SHOX2: variants seen among roughly 807,000 people sequenced by gnomAD.
The protein encoded by SHOX2 is short stature homeobox protein 2.
Under a neutral mutation model 31.3 loss-of-function variants are expected in SHOX2, and 13 were observed. That is an observed-to-expected ratio of 0.42 (90% confidence interval 0.27 to 0.66). The LOEUF (loss-of-function observed/expected upper bound fraction) is 0.66. Ranked by LOEUF, SHOX2 falls within the 30% of genes least tolerant of loss-of-function variation. The pLI, the probability that SHOX2 is intolerant of heterozygous loss-of-function variation, is 0.27. For synonymous variants in SHOX2, 244 were observed against 196.2 expected, an observed-to-expected ratio of 1.24 and a Z score of -2.04; for missense variants, 473 against 443.0, an observed-to-expected ratio of 1.07 and a Z score of -0.61.
rs1713181336 is a variant in SHOX2, at chr3:158,097,360, C to CT, written c.*666dup. 6.6e-6 allele frequency: 1 copy of CT among 152,294 alleles called. No homozygotes were observed. The allele number at this position is 152,294 out of a possible 1,614,324, so 9.4% of individuals were successfully genotyped here. A position where few individuals can be genotyped will look rare whatever the true frequency, so the allele number is the denominator to read the frequency against. Reference sequence around the variant, plus strand: ...AACCTGTGAACTTCCCAGCTGCGCACTTTTTTCATCTTAGTTTTTTAAATA... The same window carrying CT: ...AACCTGTGAACTTCCCAGCTGCGCACTTTTTTTCATCTTAGTTTTTTAAATA... On this transcript the variant is annotated 3_prime_UTR_variant, in exon 5 of 5. Coordinates refer to ENST00000483851, the MANE Select transcript of SHOX2 (RefSeq NM_001163678.2).
rs758535155 is a variant in SHOX2, at chr3:158,105,792, A to C, written c.233T>G (p.Val78Gly). 19 of 1,465,970 alleles carry C rather than the reference A, an allele frequency of 1.3e-5. No individual in the cohort carries two copies. In the South Asian group the frequency reaches 1.6e-4, roughly 12 times the overall value. 90.8% of individuals were successfully genotyped at this position (1,465,970 alleles called of 1,614,324 possible). A position where few individuals can be genotyped will look rare whatever the true frequency, so the allele number is the denominator to read the frequency against. ...GGGGGGGGGG[V>G]GGGGAGGGAG... ...TCCTCCGCCTGCTCCTCCTCCTCCT[A>C]CACCTCCTCCGCCTCCTCCGCCGCC... The change falls in exon 1 of 5, where the codon GTA becomes GGA. Residue 78 changes from valine to glycine, a missense_variant. Physicochemically the swap from Val to Gly is moderately radical, Grantham distance 109. Transcript: ENST00000483851.
Position 158,096,889 on chromosome 3 carries a change from A to AATATAGAT in SHOX2, c.*1137_*1138insATCTATAT. The AATATAGAT allele has an allele frequency of 4.3e-5, 1 of 23,098 alleles. No homozygotes were observed. The highest frequency in any genetic ancestry group is 8.1e-5 in the Non-Finnish European group (1 of 12,288). The allele number at this position is 23,098 out of a possible 1,614,324, so 1.4% of individuals were successfully genotyped here. On this transcript the variant is annotated 3_prime_UTR_variant, in exon 5 of 5. Coordinates refer to ENST00000483851, the MANE Select transcript of SHOX2 (RefSeq NM_001163678.2). ...GTTCCCCAGGATCAAAGACAGGGCA[A>AATATAGAT]ATATATATATATATATATATATATA...
chr3:158,105,629 T>C, intron 1 of SHOX2, 50 bp downstream of exon 1: 1 of 1,472,844 alleles, frequency 6.8e-7, no homozygotes. Context: ...CCGAGAGGAG[T>C]CCGGAAGGCG....
chr3:158,103,925 CCTT>C (rs1173820455), intron 1 of SHOX2: 1 of 152,276 alleles, frequency 6.6e-6, no homozygotes, highest in Non-Finnish European at 1.5e-5. Context: ...ACTTTCCTGT[CCTT>C]CTCCTCCCTT....
chr3:158,105,735 A>G lies in SHOX2; in HGVS notation c.290T>C (p.Leu97Pro). The G allele has an allele frequency of 6.6e-7, 1 of 1,523,442 alleles. No individual in the cohort carries two copies. The allele number at this position is 1,523,442 out of a possible 1,614,324, so 94.4% of individuals were successfully genotyped here. A position where few individuals can be genotyped will look rare whatever the true frequency, so the allele number is the denominator to read the frequency against. ...GCTTCTCTCGGCGGCGCCCATGTCC[A>G]GCTCCCGGACGGGAGAGCGCCCTCC... Reference protein sequence around the residue: ...AGGGRSPVRELDMGAAERSRE... With the variant: ...AGGGRSPVREPDMGAAERSRE... Residue 97 changes from leucine (L) to proline (P), a missense_variant, in exon 1 of 5, where the codon CTG becomes CCG. By Grantham distance (98) the Leu-to-Pro change is moderately conservative (BLOSUM62 -3). Around this residue, in one of 3 missense-constraint regions of SHOX2, gnomAD observed 276 missense variants for 230.0 expected, o/e 1.20. Transcript: ENST00000483851.
rs1713173867 is a variant in SHOX2 at position 158,097,219 on chromosome 3, C to T, written c.*808G>A. ...TTTTAATATTTTCTCTTTTCTTGCT[C>T]TTCCATACATGGTGGGTTTAAACTC... On this transcript the variant is annotated 3_prime_UTR_variant, in exon 5 of 5. Transcript: ENST00000483851. The T allele has an allele frequency of 1.3e-5, 2 of 152,254 alleles. No homozygotes were observed. Among genetic ancestry groups the T allele is most frequent in the South Asian group, 4.1e-4 (2 of 4,820 alleles). The allele number at this position is 152,254 out of a possible 1,614,324, so 9.4% of individuals were successfully genotyped here. A position where few individuals can be genotyped will look rare whatever the true frequency, so the allele number is the denominator to read the frequency against.
rs1287606697 is a variant in SHOX2, at chr3:158,096,922, ATATATATATG to A, written c.*1095_*1104del. 3.7e-4 allele frequency: 47 copies of A among 126,798 alleles called. No individual in the cohort carries two copies. Among genetic ancestry groups the A allele is most frequent in the Middle Eastern group, 7.6e-3 (2 of 264 alleles). The allele number at this position is 126,798 out of a possible 1,614,324, so 7.9% of individuals were successfully genotyped here. A position where few individuals can be genotyped will look rare whatever the true frequency, so the allele number is the denominator to read the frequency against. On this transcript the variant is annotated 3_prime_UTR_variant, in exon 5 of 5. Transcript: ENST00000483851. ...TATATATATATATATATATATATAT[ATATATATATG>A]GCAAATATATGATATATATATATGG...
At chr3:158,102,574 A>C in intron 2 of SHOX2, 104 bp downstream of exon 2, 1 of 888,234 alleles carries the variant, frequency 1.1e-6, no homozygotes. Flanking sequence ...CTCATCTTAC[A>C]CCAGACACTA....
At position 158,102,807 on chromosome 3, in the gene SHOX2, T is replaced by G. The variant is rs1216358434; in HGVS notation, c.426A>C (p.Arg142=). ...DEGQTKIKQR[R]SRTNFTLEQL... ...GTTCCAGGGTGAAATTGGTCCGACTTCGCCTCTGCTTGATTTTGGTCTGGC... is the reference window on the plus strand; with the variant it reads ...GTTCCAGGGTGAAATTGGTCCGACTGCGCCTCTGCTTGATTTTGGTCTGGC... Residue 142 remains arginine (R), a synonymous_variant, in exon 2 of 5, where the codon CGA becomes CGC. Transcript: ENST00000483851. 1 of 1,614,098 alleles carries G rather than the reference T, an allele frequency of 6.2e-7. No homozygotes were observed. Among genetic ancestry groups the G allele is most frequent in the East Asian group, 2.2e-5 (1 of 44,846 alleles).
In SHOX2 at chr3:158,097,672, A is replaced by G. The variant is rs1048243; in HGVS notation, c.*355T>C. ...CATTGTTAACAAGATTTTTTTTTCT[A>G]TGCAAGAGTCCATCGTTGCAGCTTT... On this transcript the variant is annotated 3_prime_UTR_variant, in exon 5 of 5. Coordinates refer to ENST00000483851, the MANE Select transcript of SHOX2 (RefSeq NM_001163678.2). 98,844 of 226,032 alleles carry G rather than the reference A, an allele frequency of 0.44. 22,936 individuals carry two copies. Among genetic ancestry groups the G allele is most frequent in the African/African-American group, 0.58 (25,744 of 44,132 alleles). 14.0% of individuals were successfully genotyped at this position (226,032 alleles called of 1,614,324 possible).
intron 4 of SHOX2, among the ~76,000 whole-genome samples, chr3:158,098,833 C>T (rs1490496477): frequency 2.0e-5 from 3 of 152,170 alleles, no homozygotes; most frequent in Non-Finnish European, 2.9e-5. Flanking sequence ...GATTCTGATT[C>T]GCAAGGTCTA....
chr3:158,106,111 C>T lies in SHOX2; in HGVS notation c.-87G>A. On this transcript the variant is annotated 5_prime_UTR_variant, in exon 1 of 5. Transcript: ENST00000483851. ...TCTTCTTTTTTTACTGCTCCAGCCC[C>T]CCCAATAATAACACATCAATGGGAC... 1 of 1,577,850 alleles carries T rather than the reference C, an allele frequency of 6.3e-7. No individual in the cohort carries two copies. The highest frequency in any genetic ancestry group is 8.6e-7 in the Non-Finnish European group (1 of 1,162,640).
chr3:158,096,166 C>T lies in SHOX2; in HGVS notation c.*1861G>A, dbSNP rs773801202. 3.3e-5 allele frequency: 5 copies of T among 152,444 alleles called. No homozygotes were observed. Among genetic ancestry groups the T allele is most frequent in the African/African-American group, 4.8e-5 (2 of 41,386 alleles). The allele number at this position is 152,444 out of a possible 1,614,324, so 9.4% of individuals were successfully genotyped here. A position where few individuals can be genotyped will look rare whatever the true frequency, so the allele number is the denominator to read the frequency against. On this transcript the variant is annotated 3_prime_UTR_variant, in exon 5 of 5. Coordinates refer to ENST00000483851, the MANE Select transcript of SHOX2 (RefSeq NM_001163678.2). The stretch of plus-strand genomic sequence containing the variant: ...CTTTTGTTTAAAATAACTTAATACA[C>T]TAGAAAAAAATATGTCAAATATAAA...
At position 158,098,102 on chromosome 3, in the gene SHOX2, C is replaced by T; in HGVS notation, c.885G>A (p.Lys295=). ...CGATGCTGGAGTTCTTGCTGGTGGT[C>T]TTGGCGGCTGCTGCGGCCGCCACTA... is the stretch of plus-strand genomic sequence containing the variant. ...ASVVAAAAAA[K]TTSKNSSIAD... is the part of the protein sequence containing the mutation. Residue 295 remains lysine, a synonymous_variant, in exon 5 of 5, where the codon AAG becomes AAA. Coordinates refer to ENST00000483851, the MANE Select transcript of SHOX2 (RefSeq NM_001163678.2). The T allele has an allele frequency of 6.2e-7, 1 of 1,612,598 alleles. No individual in the cohort carries two copies. The highest frequency in any genetic ancestry group is 1.1e-5 in the South Asian group (1 of 90,954).
Position 158,106,082 on chromosome 3 carries a change from T to C in SHOX2, c.-58A>G. Reference sequence around the variant, plus strand: ...TGCCAGCAGAGCCCCGCTCTTTTTTTCCTTCTTCTTTTTTTACTGCTCCAG... The same window carrying C: ...TGCCAGCAGAGCCCCGCTCTTTTTTCCCTTCTTCTTTTTTTACTGCTCCAG... On this transcript the variant is annotated 5_prime_UTR_variant, in exon 1 of 5. Transcript: ENST00000483851. 5 of 1,604,058 alleles carry C rather than the reference T, an allele frequency of 3.1e-6. No individual in the cohort carries two copies. Among genetic ancestry groups the C allele is most frequent in the Non-Finnish European group, 4.3e-6 (5 of 1,175,120 alleles).
Position 158,100,137 on chromosome 3 carries a change from T to C in SHOX2, c.613+117A>G. On this transcript the variant is annotated intron_variant, in intron 3 of 4. Transcript: ENST00000483851. ...CTCCATTAACAGCCTTTGAAGATTA[T>C]TAAGTCAAGAACTATTGTCATTTTT... 4.0e-6 allele frequency: 4 copies of C among 992,418 alleles called. No individual in the cohort carries two copies. The South Asian group carries it at 6.5e-5, about 16-fold the overall frequency. The allele number at this position is 992,418 out of a possible 1,614,324, so 61.5% of individuals were successfully genotyped here.
rs996046842 is a variant in SHOX2 at position 158,104,958 on chromosome 3, C to G, written c.346+721G>C. 24 of 744,122 alleles carry G rather than the reference C, an allele frequency of 3.2e-5. No individual in the cohort carries two copies. The African/African-American group carries it at 3.5e-4, about 11-fold the overall frequency. The allele number at this position is 744,122 out of a possible 1,614,324, so 46.1% of individuals were successfully genotyped here. ...GAGCTAGCACCAAAGGATTTTTGCT[C>G]TAAGAGAACCGAGTACTGGGTGATT... On this transcript the variant is annotated intron_variant, in intron 1 of 4. Coordinates refer to ENST00000483851, the MANE Select transcript of SHOX2 (RefSeq NM_001163678.2).
rs1209370372 is a variant in SHOX2 at position 158,096,568 on chromosome 3, G to GT, written c.*1458dup. The GT allele has an allele frequency of 6.6e-6, 1 of 152,424 alleles. No homozygotes were observed. The highest frequency in any genetic ancestry group is 2.4e-5 in the African/African-American group (1 of 41,368). 9.4% of individuals were successfully genotyped at this position (152,424 alleles called of 1,614,324 possible). A position where few individuals can be genotyped will look rare whatever the true frequency, so the allele number is the denominator to read the frequency against. ...TATCAACATATCTTACACAAACCTA[G>GT]TGCCTGTATCTAGCTGGGTGTTATT... is the stretch of plus-strand genomic sequence containing the variant. On this transcript the variant is annotated 3_prime_UTR_variant, in exon 5 of 5. Transcript: ENST00000483851.
At chr3:158,099,320 G>A (rs1290026809) in intron 4 of SHOX2, among the ~76,000 whole-genome samples, 5 of 152,230 alleles carry the variant, frequency 3.3e-5, no homozygotes, top group African/African-American at 9.6e-5. Flanking sequence ...CAAAGGCAGG[G>A]CAGCCCTGGG....
Sources: allele counts gnomAD v4.1 joint callset (sites outside exome capture counted in the v4.1 genomes callset), GRCh38; gene constraint gnomAD v4.1.1; regional missense constraint gnomAD v4.1.1; transcripts MANE v1.5; gene names NCBI Gene and HGNC (gene_info 2026-07-23, HGNC 2026-07-21).